Variants in CSE1L observed in about 807,000 individuals in gnomAD.
The protein encoded by CSE1L is chromosome segregation 1 like.
Under a neutral mutation model 120.4 loss-of-function variants are expected in CSE1L, and 24 were observed. That is an observed-to-expected ratio of 0.20 (90% CI 0.14 to 0.28). CSE1L has a LOEUF of 0.28. Among genes scored for constraint, CSE1L ranks in the 10% least tolerant of loss-of-function variants. The pLI, the probability that CSE1L is intolerant of heterozygous loss-of-function variation, is 1.00. For synonymous variants in CSE1L, 402 were observed against 398.3 expected, an observed-to-expected ratio of 1.01 and a Z score of -0.11; for missense variants, 830 against 1,145.2, an observed-to-expected ratio of 0.72 and a Z score of 3.97.
At chr20:49,061,825 G>A (rs1186391774) in intron 2 of CSE1L, among the ~76,000 whole-genome samples, 1 of 151,876 alleles carries the variant, frequency 6.6e-6, no homozygotes, top group African/African-American at 2.4e-5. Flanking sequence ...TTAATAATGT[G>A]TGAGGCAAGA....
chr20:49,077,795 A>G (rs1056371760), intron 13 of CSE1L, among the ~76,000 whole-genome samples: 14 of 152,088 alleles, frequency 9.2e-5, no homozygotes, highest in African/African-American at 3.1e-4. Context: ...CGTGAGGTCA[A>G]GAGATTGAGA....
chr20:49,047,546 C>CTTTTCTTTT (rs2091725443), intron 1 of CSE1L, among the ~76,000 whole-genome samples: 1 of 100,222 alleles, frequency 1.0e-5, no homozygotes, highest in Non-Finnish European at 2.2e-5. Context: ...TTTTCTTTTT[C>CTTTTCTTTT]TTTTTCTTTT....
intron 14 of CSE1L, 83 bp from the exon 15 acceptor site, chr20:49,083,943 C>G (rs1349498897): frequency 1.0e-5 from 14 of 1,389,222 alleles, no homozygotes; most frequent in Non-Finnish European, 1.4e-5. Flanking sequence ...TTCTTTAAAT[C>G]AACAGGTCCT....
At position 49,078,554 on chromosome 20, in the gene CSE1L, T is replaced by C; in HGVS notation, c.1421-7T>C. 6.4e-7 allele frequency: 1 copy of C among 1,564,764 alleles called. No individual in the cohort carries two copies. Among genetic ancestry groups the C allele is most frequent in the South Asian group, 1.2e-5 (1 of 83,908 alleles). The stretch of plus-strand genomic sequence containing the variant: ...AAGTAACTGTGGCTTTCTGTTTTTT[T>C]ATATAGTGAATGAATTTCCTGTCCT... On this transcript the variant is annotated splice_region_variant and splice_polypyrimidine_tract_variant and intron_variant, in intron 13 of 24. Coordinates refer to ENST00000262982, the MANE Select transcript of CSE1L (RefSeq NM_001316.4).
chr20:49,086,822 ATC>A (rs1461082511), intron 16 of CSE1L, among the ~76,000 whole-genome samples: 1 of 152,182 alleles, frequency 6.6e-6, no homozygotes, highest in Non-Finnish European at 1.5e-5. Flanking sequence ...GCACCAATTT[ATC>A]CTCTAGCCCT....
intron 1 of CSE1L, among the ~76,000 whole-genome samples, chr20:49,056,693 G>GTTT (rs3091564): frequency 0.61 from 91,931 of 151,294 alleles, 27,989 homozygotes; most frequent in East Asian, 0.66. Context: ...GTTTCTGTGT[G>GTTT]TTTTTTCATT....
chr20:49,054,755 T>TC (rs138166351), intron 1 of CSE1L, among the ~76,000 whole-genome samples: 15 of 152,290 alleles, frequency 9.8e-5, no homozygotes, highest in African/African-American at 3.6e-4. Context: ...CTTCATGACT[T>TC]CCCCATACAT....
At chr20:49,086,414 G>A (rs1011216849) in intron 16 of CSE1L, among the ~76,000 whole-genome samples, 3 of 135,230 alleles carry the variant, frequency 2.2e-5, no homozygotes, top group Non-Finnish European at 4.6e-5. Context: ...TGCCCAGGCT[G>A]GAGTGCAATG....
intron 1 of CSE1L, among the ~76,000 whole-genome samples, chr20:49,050,735 T>C (rs777474348): frequency 6.6e-5 from 10 of 151,914 alleles, no homozygotes; most frequent in Non-Finnish European, 1.2e-4. Flanking sequence ...TTTTAAAATT[T>C]TTTGTAGAGA....
intron 3 of CSE1L, among the ~76,000 whole-genome samples, chr20:49,065,981 G>A (rs1268392133): frequency 1.3e-5 from 2 of 152,144 alleles, no homozygotes; most frequent in Non-Finnish European, 2.9e-5. Flanking sequence ...GGCAATGTAC[G>A]TTTTTCTGGG....
intron 14 of CSE1L, among the ~76,000 whole-genome samples, chr20:49,080,524 G>A (rs2092003614): frequency 6.6e-6 from 1 of 151,984 alleles, no homozygotes; most frequent in Admixed American, 6.6e-5. Flanking sequence ...CGCTCTCGTT[G>A]CCCAGGCAAT....
intron 21 of CSE1L, 77 bp downstream of exon 21, chr20:49,091,099 A>C: frequency 9.8e-7 from 1 of 1,017,052 alleles, no homozygotes; most frequent in Admixed American, 2.2e-5. Flanking sequence ...ATGGTTGCAG[A>C]TACATTTTTT....
At chr20:49,084,197 G>T in intron 15 of CSE1L, 35 bp downstream of exon 15, 1 of 1,608,644 alleles carries the variant, frequency 6.2e-7, no homozygotes, top group South Asian at 1.1e-5. Context: ...TTAGCCTGGG[G>T]TAGGGGCTGT....
intron 1 of CSE1L, among the ~76,000 whole-genome samples, chr20:49,047,775 G>A (rs2091731194): frequency 6.6e-6 from 1 of 151,592 alleles, no homozygotes; most frequent in East Asian, 1.9e-4. Context: ...ATTAGAGACG[G>A]GGTTTCACCA....
At chr20:49,061,806 A>G (rs192066451) in intron 2 of CSE1L, among the ~76,000 whole-genome samples, 2 of 149,048 alleles carry the variant, frequency 1.3e-5, no homozygotes, top group East Asian at 3.9e-4. Context: ...CCCGGCAATT[A>G]TTTTTTTTTT....
intron 1 of CSE1L, among the ~76,000 whole-genome samples, chr20:49,051,192 A>T (rs956914527): frequency 6.6e-6 from 1 of 152,216 alleles, no homozygotes; most frequent in Admixed American, 6.5e-5. Flanking sequence ...ACTGAGGTGA[A>T]TGCTCTTTTA....
intron 1 of CSE1L, among the ~76,000 whole-genome samples, chr20:49,053,241 A>G (rs193080593): frequency 1.5e-4 from 22 of 149,838 alleles, no homozygotes; most frequent in African/African-American, 3.7e-4. Context: ...TCTGCCTTGC[A>G]TGAATCCCCA....
chr20:49,053,516 G>T (rs1473146083), intron 1 of CSE1L, among the ~76,000 whole-genome samples: 1 of 151,484 alleles, frequency 6.6e-6, no homozygotes, highest in Non-Finnish European at 1.5e-5. Flanking sequence ...GTGCTACCAG[G>T]CATGGCTAAT....
At chr20:49,080,313 A>G (rs2092001936) in intron 14 of CSE1L, among the ~76,000 whole-genome samples, 2 of 141,204 alleles carry the variant, frequency 1.4e-5, no homozygotes, top group African/African-American at 5.3e-5. Context: ...TCCTGGGTTC[A>G]CGCCATTCTC....
Sources: allele counts gnomAD v4.1 joint callset (sites outside exome capture counted in the v4.1 genomes callset), GRCh38; gene constraint gnomAD v4.1.1; transcripts MANE v1.5; gene names NCBI Gene and HGNC (gene_info 2026-07-23, HGNC 2026-07-21).